Variants in RARS1 observed in about 807,000 individuals in gnomAD.
RARS1 encodes arginine--tRNA ligase, cytoplasmic.
RARS1 carries 75 observed loss-of-function variants against 78.7 expected under a neutral mutation model. That is an observed-to-expected ratio of 0.95 (90% CI 0.79 to 1.15). The LOEUF (loss-of-function observed/expected upper bound fraction) is 1.15. RARS1 is among the 50% of genes most tolerant of loss of function. The probability of loss-of-function intolerance (pLI) is 0.00; values close to 1 mark genes in which losing one functional copy is unlikely to be tolerated. For missense variants in RARS1, 787 were observed against 787.5 expected, an observed-to-expected ratio of 1.00 and a Z score of 0.01; for synonymous variants, 273 against 268.2, an observed-to-expected ratio of 1.02 and a Z score of -0.18.
intron 7 of RARS1, among the ~76,000 whole-genome samples, chr5:168,498,551 C>T (rs1366016732): frequency 6.6e-6 from 1 of 152,104 alleles, no homozygotes; most frequent in Non-Finnish European, 1.5e-5. Context: ...TTTATGACTG[C>T]ACATTTTGTT....
At chr5:168,501,854 A>G in intron 8 of RARS1, 147 bp from the exon 9 acceptor site, 1 of 1,224,246 alleles carries the variant, frequency 8.2e-7, no homozygotes, top group Non-Finnish European at 1.1e-6. Context: ...CAGCATGTAT[A>G]TAATGTTCTA....
chr5:168,503,910 A>G (rs1758380040), intron 9 of RARS1, among the ~76,000 whole-genome samples: 1 of 151,940 alleles, frequency 6.6e-6, no homozygotes, highest in African/African-American at 2.4e-5. Context: ...TTCTCTGCCA[A>G]AAAATTAACA....
intron 11 of RARS1, among the ~76,000 whole-genome samples, chr5:168,507,412 A>G (rs1020864840): frequency 1.3e-5 from 2 of 152,174 alleles, no homozygotes; most frequent in African/African-American, 4.8e-5. Flanking sequence ...GTATTCCTCA[A>G]TTCAAAGGCA....
chr5:168,487,266 T>G (rs1301754304), intron 1 of RARS1, among the ~76,000 whole-genome samples: 1 of 151,806 alleles, frequency 6.6e-6, no homozygotes, highest in East Asian at 1.9e-4. Flanking sequence ...CTCGGGAGGC[T>G]GAGGCAGGAG....
chr5:168,497,339 C>T lies in RARS1; in HGVS notation c.813C>T (p.Val271=), dbSNP rs1235873882. 1 of 1,577,384 alleles carries T rather than the reference C, an allele frequency of 6.3e-7. No homozygotes were observed. The highest frequency in any genetic ancestry group is 8.6e-7 in the Non-Finnish European group (1 of 1,160,200). The change falls in exon 7 of 15, where the codon GTC becomes GTT. Residue 271 remains valine (V), a synonymous_variant. Transcript: ENST00000231572. Reference sequence around the variant, plus strand: ...CACCTCCTATTGGGGATCTTCAGGTCTTTTATAAGGTTTGATACCATTTCT... The same window carrying T: ...CACCTCCTATTGGGGATCTTCAGGTTTTTTATAAGGTTTGATACCATTTCT... ...TVSPPIGDLQ[V]FYKESKKRFD...
At chr5:168,493,654 ATAG>A (rs1215482324) in intron 3 of RARS1, among the ~76,000 whole-genome samples, 9 of 151,482 alleles carry the variant, frequency 5.9e-5, no homozygotes, top group Admixed American at 5.9e-4. Context: ...AAAAAAAAAA[ATAG>A]TTCCAGGTAT....
rs535715963 is a variant in RARS1 at position 168,507,507 on chromosome 5, A to C, written c.1346+676A>C. On this transcript the variant is annotated intron_variant, in intron 11 of 14. Transcript: ENST00000231572. ...AATCTGTGGCATCTTAGATTTGGTAACAAAGCCTAAATATTTCCATCCTAC... is the reference window on the plus strand; with the variant it reads ...AATCTGTGGCATCTTAGATTTGGTACCAAAGCCTAAATATTTCCATCCTAC... 1.2e-4 allele frequency among the ~76,000 whole-genome samples: 19 copies of C among 152,338 alleles called. No homozygotes were observed. The South Asian group carries it at 3.9e-3, about 32-fold the overall frequency.
chr5:168,487,800 A>G (rs1411721433), intron 1 of RARS1, among the ~76,000 whole-genome samples: 2 of 152,186 alleles, frequency 1.3e-5, no homozygotes, highest in Non-Finnish European at 2.9e-5. Context: ...TTAAACTACA[A>G]AGCCTGGTCT....
At chr5:168,512,418 C>G (rs755068793) in intron 12 of RARS1, among the ~76,000 whole-genome samples, 2 of 152,178 alleles carry the variant, frequency 1.3e-5, no homozygotes, top group African/African-American at 2.4e-5. Context: ...AAGTGGTGAC[C>G]GTTGTATACT....
chr5:168,515,967 G>A (rs774136088), intron 12 of RARS1, among the ~76,000 whole-genome samples: 3 of 152,042 alleles, frequency 2.0e-5, no homozygotes, highest in Non-Finnish European at 2.9e-5. Context: ...TGGCAGCCCC[G>A]TACTCTAAAC....
chr5:168,501,521 G>A (rs1034444480), intron 8 of RARS1, among the ~76,000 whole-genome samples: 3 of 152,096 alleles, frequency 2.0e-5, no homozygotes, highest in Non-Finnish European at 2.9e-5. Flanking sequence ...TCAGGAGTTC[G>A]AGACCAGCCT....
At position 168,517,838 on chromosome 5, in the gene RARS1, TTGA is replaced by T; in HGVS notation, c.1653_1655del (p.Asp551del). 1 of 1,613,770 alleles carries T rather than the reference TTGA, an allele frequency of 6.2e-7. No individual in the cohort carries two copies. Among genetic ancestry groups the T allele is most frequent in the Non-Finnish European group, 8.5e-7 (1 of 1,179,954 alleles). ...AGGTCTATTGCACGTCTGGCCAATATTGATGAAGAAATGCTCCAAAAAGCTGCT... is the reference window on the plus strand; with the variant it reads ...AGGTCTATTGCACGTCTGGCCAATATTGAAGAAATGCTCCAAAAAGCTGCT... On this transcript the variant is annotated inframe_deletion, in exon 14 of 15. Transcript: ENST00000231572.
At chr5:168,503,498 A>G (rs1758372482) in intron 9 of RARS1, among the ~76,000 whole-genome samples, 1 of 151,972 alleles carries the variant, frequency 6.6e-6, no homozygotes, top group Non-Finnish European at 1.5e-5. Flanking sequence ...TGGGCTTTTA[A>G]TGTGTTTTAT....
chr5:168,510,775 G>T lies in RARS1; in HGVS notation c.1452+89G>T. The T allele has an allele frequency of 6.8e-6, 6 of 877,202 alleles. No individual in the cohort carries two copies. The South Asian group carries it at 1.1e-4, about 16-fold the overall frequency. The allele number at this position is 877,202 out of a possible 1,614,324, so 54.3% of individuals were successfully genotyped here. A position where few individuals can be genotyped will look rare whatever the true frequency, so the allele number is the denominator to read the frequency against. On this transcript the variant is annotated intron_variant, in intron 12 of 14. Transcript: ENST00000231572. ...TTGAGAGAACTGAGGAGAAGTGTGA[G>T]GAGTCAGTCCCACCTAGGACAAGGC... is the stretch of plus-strand genomic sequence containing the variant.
intron 2 of RARS1, 132 bp downstream of exon 2, chr5:168,488,868 C>T: frequency 1.8e-6 from 2 of 1,103,222 alleles, no homozygotes; most frequent in East Asian, 2.6e-5. Context: ...CTATTCTTTT[C>T]CCTGCATTAG....
At chr5:168,489,000 A>G (rs1758025159) in intron 2 of RARS1, among the ~76,000 whole-genome samples, 2 of 152,200 alleles carry the variant, frequency 1.3e-5, no homozygotes, top group Non-Finnish European at 2.9e-5. Flanking sequence ...GGATTTAGGT[A>G]GGGTTGAGGC....
chr5:168,494,468 CAG>C, intron 4 of RARS1, 80 bp from the exon 5 acceptor site: 1 of 1,565,160 alleles, frequency 6.4e-7, no homozygotes, highest in Non-Finnish European at 8.6e-7. Context: ...AGAGCCAGGT[CAG>C]TGTCTGGAGC....
chr5:168,497,471 C>A, intron 7 of RARS1, 123 bp downstream of exon 7: 1 of 734,788 alleles, frequency 1.4e-6, no homozygotes, highest in Non-Finnish European at 2.0e-6. Context: ...TTGCTAACAG[C>A]CTTAGTAATA....
At chr5:168,495,150 A>G in intron 5 of RARS1, 165 bp from the exon 6 acceptor site, 1 of 1,200,738 alleles carries the variant, frequency 8.3e-7, no homozygotes, top group Middle Eastern at 3.2e-4. Flanking sequence ...ATAAAATCAA[A>G]CATGGTTGAA....
Sources: allele counts gnomAD v4.1 joint callset (sites outside exome capture counted in the v4.1 genomes callset), GRCh38; gene constraint gnomAD v4.1.1; transcripts MANE v1.5; gene names NCBI Gene and HGNC (gene_info 2026-07-23, HGNC 2026-07-21).